MEIS1: variants seen among roughly 807,000 people sequenced by gnomAD.
MEIS1 encodes the protein Meis homeobox 1.
A neutral mutation model predicts 50.8 loss-of-function variants in MEIS1; 5 were observed. That is an observed-to-expected ratio of 0.10 (90% CI 0.05 to 0.21). MEIS1 has a LOEUF of 0.21. MEIS1 is among the 10% of genes least tolerant of loss of function. The pLI, the probability that MEIS1 is intolerant of heterozygous loss-of-function variation, is 1.00. For missense variants in MEIS1, 318 were observed against 517.3 expected (o/e 0.61, Z 3.74); for synonymous variants, 176 against 179.3 (o/e 0.98, Z 0.15).
intron 8 of MEIS1, among the ~76,000 whole-genome samples, chr2:66,514,380 G>A (rs897049991): frequency 2.6e-5 from 4 of 152,106 alleles, no homozygotes; most frequent in Non-Finnish European, 2.9e-5. Flanking sequence ...CTAACAGCCC[G>A]CATGATTTTA....
rs70943697 is a variant in MEIS1, at chr2:66,435,743, CTTT to C, written c.-92_-90del. On this transcript the variant is annotated 5_prime_UTR_variant, in exon 1 of 13. Transcript: ENST00000272369. Reference sequence around the variant, plus strand: ...AGACGTTAAGGGATTTTTCGTCGTGCTTTTTTTTTTTTTTTTTTTTTTTTCCGG... The same window carrying C: ...AGACGTTAAGGGATTTTTCGTCGTGCTTTTTTTTTTTTTTTTTTTTTCCGG... The C allele has an allele frequency of 0.15, 48,166 of 325,200 alleles. 37 individuals are homozygous for C. Among genetic ancestry groups the C allele is most frequent in the Non-Finnish European group, 0.15 (31,397 of 202,696 alleles). The allele number at this position is 325,200 out of a possible 1,614,324, so 20.1% of individuals were successfully genotyped here.
chr2:66,531,683 G>T (rs200380247), intron 8 of MEIS1, among the ~76,000 whole-genome samples: 1 of 152,206 alleles, frequency 6.6e-6, no homozygotes, highest in East Asian at 1.9e-4. Context: ...CGCTGACATT[G>T]CCGAAGGAAT....
At chr2:66,490,923 A>T (rs1673255855) in intron 7 of MEIS1, among the ~76,000 whole-genome samples, 1 of 152,150 alleles carries the variant, frequency 6.6e-6, no homozygotes, top group African/African-American at 2.4e-5. Flanking sequence ...GTTCCCTACC[A>T]TTTGCGTTGC....
At chr2:66,551,080 T>G (rs1674907936) in intron 9 of MEIS1, among the ~76,000 whole-genome samples, 1 of 145,474 alleles carries the variant, frequency 6.9e-6, no homozygotes, top group African/African-American at 2.6e-5. Context: ...GTCATAATTA[T>G]TAGCAGTAAC....
At chr2:66,488,685 G>GA (rs1299059724) in intron 7 of MEIS1, among the ~76,000 whole-genome samples, 1 of 151,930 alleles carries the variant, frequency 6.6e-6, no homozygotes, top group Non-Finnish European at 1.5e-5. Context: ...CTCAAAAAAA[G>GA]AAAAAAATCT....
intron 7 of MEIS1, among the ~76,000 whole-genome samples, chr2:66,469,079 T>C (rs539234702): frequency 4.6e-5 from 7 of 152,244 alleles, no homozygotes; most frequent in African/African-American, 1.7e-4. Flanking sequence ...ACATGGAAAT[T>C]TGATGTAATA....
At chr2:66,484,566 TA>T (rs1558535219) in intron 7 of MEIS1, among the ~76,000 whole-genome samples, 1 of 151,982 alleles carries the variant, frequency 6.6e-6, no homozygotes, top group Admixed American at 6.6e-5. Flanking sequence ...TTTATTTATT[TA>T]TTTTTTTTGA....
chr2:66,471,545 A>G (rs1672760676), intron 7 of MEIS1, among the ~76,000 whole-genome samples: 1 of 152,236 alleles, frequency 6.6e-6, no homozygotes, highest in Admixed American at 6.5e-5. Flanking sequence ...CACATCTAAA[A>G]TTATACACCA....
chr2:66,437,022 G>A, intron 1 of MEIS1: 2 of 870,522 alleles, frequency 2.3e-6, no homozygotes, highest in Non-Finnish European at 2.8e-6. Context: ...AATATTAGCT[G>A]CTTCAACTAT....
At chr2:66,542,983 G>A (rs769014414) in intron 8 of MEIS1, among the ~76,000 whole-genome samples, 3 of 152,140 alleles carry the variant, frequency 2.0e-5, no homozygotes, top group Non-Finnish European at 2.9e-5. Flanking sequence ...TAGTCTGCTT[G>A]ATTGTTTCAA....
intron 10 of MEIS1, 98 bp from the exon 11 acceptor site, chr2:66,568,569 G>C: frequency 3.2e-6 from 3 of 926,740 alleles, no homozygotes; most frequent in Non-Finnish European, 5.3e-6. Context: ...GCTATGTTCT[G>C]TCTCTTTCTC....
chr2:66,440,880 C>G (rs1357738627), intron 4 of MEIS1: 1 of 511,834 alleles, frequency 2.0e-6, no homozygotes, highest in African/African-American at 1.9e-5. Context: ...CTCTAATCAG[C>G]GCGGGGATTT....
intron 6 of MEIS1, among the ~76,000 whole-genome samples, chr2:66,458,160 ACT>A (rs1558525856): frequency 6.6e-6 from 1 of 152,004 alleles, no homozygotes; most frequent in Non-Finnish European, 1.5e-5. Context: ...AGAAAAAAAA[ACT>A]CTATTTTTGG....
chr2:66,461,217 A>G (rs777195569), intron 6 of MEIS1, among the ~76,000 whole-genome samples: 1 of 152,150 alleles, frequency 6.6e-6, no homozygotes, highest in Non-Finnish European at 1.5e-5. Context: ...TTATTTTAAA[A>G]ATAATAATGA....
At chr2:66,465,282 T>C (rs924763364) in intron 7 of MEIS1, among the ~76,000 whole-genome samples, 1 of 152,220 alleles carries the variant, frequency 6.6e-6, no homozygotes, top group Non-Finnish European at 1.5e-5. Flanking sequence ...TTTTAAACAT[T>C]TGAGACATTT....
intron 6 of MEIS1, among the ~76,000 whole-genome samples, chr2:66,463,644 C>A (rs995644973): frequency 2.0e-5 from 3 of 152,034 alleles, no homozygotes; most frequent in African/African-American, 7.2e-5. Context: ...TATTATGGAC[C>A]CAGGCCTAAT....
intron 8 of MEIS1, among the ~76,000 whole-genome samples, chr2:66,532,272 T>C (rs1054110536): frequency 2.0e-5 from 3 of 152,232 alleles, no homozygotes; most frequent in East Asian, 1.9e-4. Context: ...AAGAGGTCTA[T>C]GCAATTATTT....
At chr2:66,472,888 A>C (rs1333233667) in intron 7 of MEIS1, among the ~76,000 whole-genome samples, 1 of 152,106 alleles carries the variant, frequency 6.6e-6, no homozygotes, top group Non-Finnish European at 1.5e-5. Context: ...CTGGCTGCTG[A>C]CTCAGATTGA....
intron 7 of MEIS1, among the ~76,000 whole-genome samples, chr2:66,468,644 T>C (rs1672696709): frequency 6.6e-6 from 1 of 152,182 alleles, no homozygotes; most frequent in Non-Finnish European, 1.5e-5. Context: ...TGACATCCTA[T>C]TTGATACACT....
Sources: gnomAD v4.1 joint callset for allele counts (sites outside exome capture counted in the v4.1 genomes callset) on GRCh38, gnomAD v4.1.1 for gene constraint, MANE v1.5 for transcripts, NCBI Gene and HGNC (gene_info 2026-07-23, HGNC 2026-07-21) for gene names.